Variants in EXOC4 observed in about 807,000 individuals in gnomAD.
The protein encoded by EXOC4 is SEC8-like 1.
A neutral mutation model predicts 107.2 loss-of-function variants in EXOC4; 71 were observed. That is an observed-to-expected ratio of 0.66 (90% CI 0.55 to 0.81). The LOEUF is 0.81. EXOC4 is among the 30% of genes least tolerant of loss of function. EXOC4 has a pLI of 0.00. For missense variants in EXOC4, 1,108 were observed against 1,189.6 expected, an observed-to-expected ratio of 0.93 and a Z score of 1.01; for synonymous variants, 456 against 441.2, an observed-to-expected ratio of 1.03 and a Z score of -0.42.
At chr7:133,800,823 A>G (rs1255301108) in intron 10 of EXOC4, among the ~76,000 whole-genome samples, 1 of 152,212 alleles carries the variant, frequency 6.6e-6, no homozygotes, top group Non-Finnish European at 1.5e-5. Context: ...AGTGTCAAGC[A>G]TACATAAATT....
At chr7:133,925,059 A>G (rs1212681674) in intron 13 of EXOC4, among the ~76,000 whole-genome samples, 1 of 152,208 alleles carries the variant, frequency 6.6e-6, no homozygotes, top group East Asian at 1.9e-4. Context: ...TTGATTTAGC[A>G]CTTTAGAGTA....
chr7:133,486,449 A>C (rs1020922805), intron 9 of EXOC4, among the ~76,000 whole-genome samples: 1 of 152,148 alleles, frequency 6.6e-6, no homozygotes, highest in African/African-American at 2.4e-5. Context: ...AGTGAGGTGC[A>C]TTATTTTGTA....
chr7:133,929,940 T>TG (rs983604008), intron 13 of EXOC4, among the ~76,000 whole-genome samples: 34 of 152,166 alleles, frequency 2.2e-4, no homozygotes, highest in African/African-American at 4.8e-5. Context: ...TTAATGTCTC[T>TG]GCTCTGAACA....
At chr7:133,897,344 C>T (rs1799343274) in intron 12 of EXOC4, among the ~76,000 whole-genome samples, 1 of 152,054 alleles carries the variant, frequency 6.6e-6, no homozygotes. Context: ...AGGTTAAAAT[C>T]ATACATATAC....
At chr7:133,855,174 A>G (rs1029692609) in intron 11 of EXOC4, among the ~76,000 whole-genome samples, 2 of 107,522 alleles carry the variant, frequency 1.9e-5, no homozygotes, top group Non-Finnish European at 3.7e-5. Flanking sequence ...TATTTTTTTT[A>G]TCAGCAAAGA....
intron 17 of EXOC4, among the ~76,000 whole-genome samples, chr7:134,025,149 A>G (rs1199548541): frequency 6.6e-6 from 1 of 152,172 alleles, no homozygotes; most frequent in Non-Finnish European, 1.5e-5. Flanking sequence ...ACATACATAT[A>G]TTTATGTAAA....
intron 5 of EXOC4, among the ~76,000 whole-genome samples, chr7:133,327,191 G>A (rs1795267685): frequency 1.3e-5 from 2 of 152,164 alleles, no homozygotes. Flanking sequence ...TTCAGCTCAC[G>A]CTTGGTGGGC....
intron 17 of EXOC4, among the ~76,000 whole-genome samples, chr7:134,058,423 A>C (rs1795979776): frequency 6.6e-6 from 1 of 152,240 alleles, no homozygotes; most frequent in African/African-American, 2.4e-5. Flanking sequence ...TTGGAAAGAA[A>C]GGTTACTTCA....
chr7:133,456,446 C>T (rs571287387), intron 7 of EXOC4, among the ~76,000 whole-genome samples: 1 of 152,138 alleles, frequency 6.6e-6, no homozygotes, highest in Non-Finnish European at 1.5e-5. Flanking sequence ...CACATTCATG[C>T]GATCATATCA....
At chr7:133,461,063 G>C (rs1798581802) in intron 7 of EXOC4, among the ~76,000 whole-genome samples, 1 of 152,148 alleles carries the variant, frequency 6.6e-6, no homozygotes, top group Non-Finnish European at 1.5e-5. Flanking sequence ...GCATGGGTTA[G>C]AGGCTGAACT....
rs749177460 is a variant in EXOC4, at chr7:133,475,283, TA to T, written c.1183-40del. On this transcript the variant is annotated intron_variant, in intron 7 of 17. Coordinates refer to ENST00000253861, the MANE Select transcript of EXOC4 (RefSeq NM_021807.4). ...AAAATAGTTTTTCTTAATTGCACAT[TA>T]AAAATGTGTATATTAACATTAACTG... 41 of 1,502,212 alleles carry T rather than the reference TA, an allele frequency of 2.7e-5. No homozygotes were observed. In the South Asian group the frequency reaches 4.8e-4, roughly 18 times the overall value. The allele number at this position is 1,502,212 out of a possible 1,614,324, so 93.1% of individuals were successfully genotyped here. A position where few individuals can be genotyped will look rare whatever the true frequency, so the allele number is the denominator to read the frequency against.
intron 10 of EXOC4, among the ~76,000 whole-genome samples, chr7:133,760,650 G>A (rs1020305336): frequency 6.6e-6 from 1 of 151,826 alleles, no homozygotes; most frequent in African/African-American, 2.4e-5. Flanking sequence ...TTTTAGGAAA[G>A]GCATTTGTAA....
chr7:134,082,086 ATAAAG>A, the EXOC4 span, among the ~76,000 whole-genome samples: 1 of 152,246 alleles, frequency 6.6e-6, no homozygotes, highest in Non-Finnish European at 1.5e-5. Context: ...AGGGGAGTCC[ATAAAG>A]TAAAGTGAAA....
chr7:133,525,429 T>C (rs1800061061), intron 9 of EXOC4, among the ~76,000 whole-genome samples: 1 of 152,216 alleles, frequency 6.6e-6, no homozygotes. Context: ...AACAATTGCA[T>C]ATGTTTCTTG....
chr7:133,477,326 C>T (rs566574147), intron 8 of EXOC4, among the ~76,000 whole-genome samples: 1 of 152,310 alleles, frequency 6.6e-6, no homozygotes, highest in South Asian at 2.1e-4. Context: ...CCTCCACCCT[C>T]CCTAACCCCT....
intron 3 of EXOC4, among the ~76,000 whole-genome samples, chr7:133,292,849 CTA>C (rs1373600969): frequency 6.6e-6 from 1 of 152,096 alleles, no homozygotes; most frequent in Admixed American, 6.6e-5. Flanking sequence ...AAATGGGTGA[CTA>C]TGTGGAAGAC....
At chr7:133,624,897 C>T (rs1802418225) in intron 9 of EXOC4, among the ~76,000 whole-genome samples, 1 of 90,452 alleles carries the variant, frequency 1.1e-5, no homozygotes, top group Non-Finnish European at 2.2e-5. Flanking sequence ...CCAGCCTGAC[C>T]TCATCTCTTA....
intron 7 of EXOC4, among the ~76,000 whole-genome samples, chr7:133,413,347 T>A (rs1352245756): frequency 6.6e-6 from 1 of 152,140 alleles, no homozygotes; most frequent in Non-Finnish European, 1.5e-5. Context: ...CAGGGGGCAT[T>A]CTTAATTAAC....
intron 7 of EXOC4, among the ~76,000 whole-genome samples, chr7:133,406,375 G>A (rs1379281682): frequency 6.6e-6 from 1 of 152,030 alleles, no homozygotes; most frequent in Non-Finnish European, 1.5e-5. Context: ...TAACACAAAT[G>A]CTTAATAATT....
Sources: gnomAD v4.1 joint callset for allele counts (sites outside exome capture counted in the v4.1 genomes callset) on GRCh38, gnomAD v4.1.1 for gene constraint, MANE v1.5 for transcripts, NCBI Gene and HGNC (gene_info 2026-07-23, HGNC 2026-07-21) for gene names.